Variants in DAB1 observed in about 807,000 individuals in gnomAD.
The protein encoded by DAB1 is disabled homolog 1.
In DAB1, 15 loss-of-function variants were observed where a neutral mutation model predicts 64.6. That is an observed-to-expected ratio of 0.23 (90% confidence interval 0.16 to 0.36). The LOEUF is 0.36. DAB1 is among the 10% of genes least tolerant of loss of function. DAB1 has a pLI of 1.00. For missense variants in DAB1, 596 were observed against 706.7 expected, an observed-to-expected ratio of 0.84 and a Z score of 1.78; for synonymous variants, 235 against 251.9, an observed-to-expected ratio of 0.93 and a Z score of 0.64.
At chr1:57,922,943 C>T (rs1644831032) in intron 5 of DAB1, among the ~76,000 whole-genome samples, 1 of 150,508 alleles carries the variant, frequency 6.6e-6, no homozygotes, top group Non-Finnish European at 1.5e-5. Context: ...TTTTCTATTC[C>T]TTTCTTCTCT....
At chr1:58,342,864 A>G (rs1388646793) in intron 4 of DAB1, among the ~76,000 whole-genome samples, 1 of 152,102 alleles carries the variant, frequency 6.6e-6, no homozygotes, top group Admixed American at 6.6e-5. Context: ...TCTCTCTTAA[A>G]TGATCTTTTG....
intron 4 of DAB1, among the ~76,000 whole-genome samples, chr1:58,237,156 C>T (rs1441461904): frequency 6.6e-6 from 1 of 152,048 alleles, no homozygotes; most frequent in Non-Finnish European, 1.5e-5. Context: ...GAAACAGGCA[C>T]AGAAGGAGGG....
chr1:58,533,239 C>T (rs76281957), intron 1 of DAB1, among the ~76,000 whole-genome samples: 9 of 152,068 alleles, frequency 5.9e-5, no homozygotes, highest in South Asian at 4.1e-4. Flanking sequence ...ATAAGAAAAG[C>T]GCTGCTAAAA....
chr1:57,877,201 T>C (rs553922300), intron 1 of DAB1, among the ~76,000 whole-genome samples: 1 of 152,302 alleles, frequency 6.6e-6, no homozygotes, highest in African/African-American at 2.4e-5. Flanking sequence ...AGCTGGTTAT[T>C]AGAAGAGCCA....
At chr1:57,760,519 C>T (rs891815173) in intron 6 of DAB1, among the ~76,000 whole-genome samples, 5 of 151,548 alleles carry the variant, frequency 3.3e-5, no homozygotes, top group African/African-American at 1.2e-4. Context: ...CTTCCCTTCC[C>T]GTCTCTTCCC....
At chr1:58,487,959 T>C (rs1367298201) in intron 3 of DAB1, among the ~76,000 whole-genome samples, 2 of 152,218 alleles carry the variant, frequency 1.3e-5, no homozygotes, top group African/African-American at 4.8e-5. Flanking sequence ...CTAATGATTA[T>C]GACTTTGACT....
At chr1:57,402,710 T>G (rs1346089789) in intron 1 of DAB1, among the ~76,000 whole-genome samples, 1 of 152,232 alleles carries the variant, frequency 6.6e-6, no homozygotes, top group Non-Finnish European at 1.5e-5. Context: ...CTCTGGGGCA[T>G]AGTTACCTAC....
chr1:58,498,116 A>C (rs1045252455), intron 3 of DAB1, among the ~76,000 whole-genome samples: 2 of 152,192 alleles, frequency 1.3e-5, no homozygotes, highest in African/African-American at 4.8e-5. Context: ...AGATGAAGCA[A>C]GTGTATAAAA....
chr1:58,048,074 C>T, intron 5 of DAB1: 1 of 724,212 alleles, frequency 1.4e-6, no homozygotes, highest in Non-Finnish European at 2.4e-6. Flanking sequence ...GCAGCTAGGC[C>T]CTGCCACCAC....
intron 6 of DAB1, among the ~76,000 whole-genome samples, chr1:57,677,857 A>G (rs1384458924): frequency 1.3e-5 from 2 of 152,208 alleles, no homozygotes; most frequent in East Asian, 1.9e-4. Context: ...CAAGGAGCTC[A>G]TAGTTGAGTA....
At chr1:57,940,783 C>T (rs1438832234) in intron 5 of DAB1, among the ~76,000 whole-genome samples, 2 of 152,158 alleles carry the variant, frequency 1.3e-5, no homozygotes, top group African/African-American at 2.4e-5. Flanking sequence ...ATGCCCAATT[C>T]GAGAAGCCCT....
chr1:57,282,199 A>T (rs866119157), intron 2 of DAB1, among the ~76,000 whole-genome samples: 2 of 100,938 alleles, frequency 2.0e-5, no homozygotes, highest in African/African-American at 7.4e-5. Context: ...AAAAAAAAAA[A>T]AAAAAAAAAA....
intron 1 of DAB1, among the ~76,000 whole-genome samples, chr1:57,379,836 G>C (rs1245182427): frequency 6.6e-6 from 1 of 152,190 alleles, no homozygotes; most frequent in African/African-American, 2.4e-5. Context: ...TGAAGAAGAA[G>C]ATCAAGGGCT....
intron 5 of DAB1, among the ~76,000 whole-genome samples, chr1:57,903,840 G>A (rs748243339): frequency 6.6e-6 from 1 of 152,186 alleles, no homozygotes; most frequent in Non-Finnish European, 1.5e-5. Flanking sequence ...AGAGGACGGG[G>A]AGGAGAATTT....
intron 5 of DAB1, among the ~76,000 whole-genome samples, chr1:58,147,728 A>T (rs1654685735): frequency 6.6e-6 from 1 of 152,176 alleles, no homozygotes; most frequent in South Asian, 2.1e-4. Context: ...ACCCAAAGCA[A>T]ATAACTTTCA....
chr1:58,509,714 C>T (rs1267572952), intron 2 of DAB1, among the ~76,000 whole-genome samples: 4 of 150,838 alleles, frequency 2.7e-5, no homozygotes, highest in Non-Finnish European at 4.4e-5. Context: ...AAACTAAGAG[C>T]TTTTTGGGGA....
chr1:57,057,791 G>C (rs1174017772), intron 9 of DAB1, among the ~76,000 whole-genome samples: 1 of 142,046 alleles, frequency 7.0e-6, no homozygotes, highest in African/African-American at 2.6e-5. Context: ...TGTATTTTTA[G>C]TAGAGACGGG....
At chr1:58,179,807 T>C (rs1656677845) in intron 4 of DAB1, among the ~76,000 whole-genome samples, 1 of 152,094 alleles carries the variant, frequency 6.6e-6, no homozygotes, top group East Asian at 1.9e-4. Flanking sequence ...TCTACTTTTT[T>C]GTTTTTCTGT....
At chr1:58,170,072 G>A (rs6686242) in intron 4 of DAB1, among the ~76,000 whole-genome samples, 10,560 of 152,170 alleles carry the variant, frequency 0.069, 414 homozygotes, top group Admixed American at 0.088. Context: ...GCTGCAGCCC[G>A]AGAGTTTGGA....
Sources: allele counts gnomAD v4.1 joint callset (sites outside exome capture counted in the v4.1 genomes callset), GRCh38; gene constraint gnomAD v4.1.1; transcripts MANE v1.5; gene names NCBI Gene and HGNC (gene_info 2026-07-23, HGNC 2026-07-21).